The following GNAL variants were observed in gnomAD, a reference collection of about 807,000 sequenced individuals.
GNAL encodes the protein guanine nucleotide-binding protein G(olf) subunit alpha.
Under a neutral mutation model 55.1 loss-of-function variants are expected in GNAL, and 18 were observed. That is an observed-to-expected ratio of 0.33 (90% CI 0.23 to 0.48). GNAL has a LOEUF of 0.48. Ranked by LOEUF, GNAL falls within the 20% of genes least tolerant of loss-of-function variation. The pLI is 0.99. For synonymous variants in GNAL, 253 were observed against 237.0 expected, an observed-to-expected ratio of 1.07 and a Z score of -0.62; for missense variants, 412 against 614.1, an observed-to-expected ratio of 0.67 and a Z score of 3.48.
In GNAL at chr18:11,753,821, T is replaced by C. The variant is rs766177601; in HGVS notation, c.505-5T>C. ...ATCCATATTTTTTTTCTTATTCCAT[T>C]TTAGACAATTGTTTCAGCAATGAGT... On this transcript the variant is annotated splice_polypyrimidine_tract_variant and splice_region_variant and intron_variant, in intron 3 of 11. Transcript: ENST00000334049. 9 of 1,606,396 alleles carry C rather than the reference T, an allele frequency of 5.6e-6. No individual in the cohort carries two copies. Among genetic ancestry groups the C allele is most frequent in the East Asian group, 4.5e-5 (2 of 44,844 alleles).
At chr18:11,862,880 AT>A (rs35630944) in intron 6 of GNAL, among the ~76,000 whole-genome samples, 82,114 of 134,996 alleles carry the variant, frequency 0.61, 26,875 homozygotes, top group East Asian at 0.89. Flanking sequence ...GCACTCCACC[AT>A]TTTTTTTTTT....
chr18:11,876,496 G>T (rs1321336365), intron 10 of GNAL, 125 bp from the exon 11 acceptor site: 1 of 692,398 alleles, frequency 1.4e-6, no homozygotes, highest in Non-Finnish European at 2.6e-6. Context: ...TTTTTGCCTT[G>T]CTGTACATGT....
rs140692849 is a variant in GNAL, at chr18:11,869,146, ATT to A, written c.1031+492_1031+493del. 8.5e-4 allele frequency among the ~76,000 whole-genome samples: 128 copies of A among 149,812 alleles called. 1 individual carries two copies. Among genetic ancestry groups the A allele is most frequent in the African/African-American group, 3.1e-3 (125 of 40,842 alleles). On this transcript the variant is annotated intron_variant, in intron 9 of 11. Transcript: ENST00000334049. Reference sequence around the variant, plus strand: ...AAAATGTGGAATATTTTTTTTTATTATTTTTTTTTTATTTTGAGATAGAGTCT... The same window carrying A: ...AAAATGTGGAATATTTTTTTTTATTATTTTTTTTATTTTGAGATAGAGTCT...
At chr18:11,837,718 A>G (rs1247185872) in intron 5 of GNAL, among the ~76,000 whole-genome samples, 1 of 152,198 alleles carries the variant, frequency 6.6e-6, no homozygotes, top group East Asian at 1.9e-4. Flanking sequence ...GTTCTAAAAA[A>G]CGTTAAACAC....
intron 4 of GNAL, among the ~76,000 whole-genome samples, chr18:11,782,602 A>G (rs2033951033): frequency 1.3e-5 from 2 of 152,188 alleles, no homozygotes; most frequent in African/African-American, 2.4e-5. Flanking sequence ...GGAAGAGATC[A>G]TAGTAAAATA....
At chr18:11,695,636 C>G (rs776357844) in intron 1 of GNAL, among the ~76,000 whole-genome samples, 1 of 152,196 alleles carries the variant, frequency 6.6e-6, no homozygotes, top group Non-Finnish European at 1.5e-5. Context: ...ATGTTCCACT[C>G]AACTACTCTT....
At chr18:11,869,290 C>T (rs912513085) in intron 9 of GNAL, among the ~76,000 whole-genome samples, 3 of 151,956 alleles carry the variant, frequency 2.0e-5, no homozygotes, top group African/African-American at 7.2e-5. Context: ...ACTACAGGCG[C>T]CCTCCACCAC....
chr18:11,696,229 G>A (rs1245952931), intron 1 of GNAL, among the ~76,000 whole-genome samples: 1 of 152,026 alleles, frequency 6.6e-6, no homozygotes, highest in East Asian at 1.9e-4. Flanking sequence ...CTGGCCGAGC[G>A]CGGTGGCTCA....
At chr18:11,715,271 A>G (rs2031931312) in intron 1 of GNAL, among the ~76,000 whole-genome samples, 3 of 148,088 alleles carry the variant, frequency 2.0e-5, no homozygotes, top group Admixed American at 6.6e-5. Context: ...CATCCTGGCT[A>G]ACACGGTGAA....
intron 4 of GNAL, among the ~76,000 whole-genome samples, chr18:11,787,765 T>G (rs2034101501): frequency 1.3e-5 from 2 of 151,386 alleles, no homozygotes; most frequent in Non-Finnish European, 2.9e-5. Context: ...TCCCAGCTAC[T>G]CAGGAGGCTG....
At chr18:11,793,780 G>A (rs759900801) in intron 4 of GNAL, among the ~76,000 whole-genome samples, 17 of 151,286 alleles carry the variant, frequency 1.1e-4, no homozygotes, top group Non-Finnish European at 1.9e-4. Flanking sequence ...AAAATTAGCT[G>A]GGCGTGGTGG....
At chr18:11,831,960 AAGTG>A (rs1472168461) in intron 5 of GNAL, among the ~76,000 whole-genome samples, 1 of 152,222 alleles carries the variant, frequency 6.6e-6, no homozygotes, top group Non-Finnish European at 1.5e-5. Flanking sequence ...TTTTCTGTAA[AAGTG>A]AGTGTCCTTG....
intron 1 of GNAL, among the ~76,000 whole-genome samples, chr18:11,693,640 C>G (rs891180481): frequency 6.6e-6 from 1 of 152,090 alleles, no homozygotes; most frequent in Non-Finnish European, 1.5e-5. Flanking sequence ...TTCTTGCTCA[C>G]TGACCACATT....
intron 4 of GNAL, among the ~76,000 whole-genome samples, chr18:11,806,031 A>G (rs1480291414): frequency 6.6e-6 from 1 of 152,160 alleles, no homozygotes. Context: ...CTTTTTAGTA[A>G]TAGCCATTCT....
intron 1 of GNAL, among the ~76,000 whole-genome samples, chr18:11,719,798 T>A (rs967557639): frequency 2.6e-5 from 4 of 152,178 alleles, no homozygotes; most frequent in African/African-American, 4.8e-5. Flanking sequence ...AGAGCTGCGC[T>A]CACACCATGC....
chr18:11,811,207 C>T (rs879387513), intron 4 of GNAL, among the ~76,000 whole-genome samples: 2 of 152,182 alleles, frequency 1.3e-5, no homozygotes, highest in Non-Finnish European at 2.9e-5. Context: ...GTCCCACGGC[C>T]CCAGCGCAGC....
In GNAL at chr18:11,729,301, C is replaced by T. The variant is rs2032282657; in HGVS notation, c.377-23552C>T. On this transcript the variant is annotated intron_variant, in intron 1 of 11. Transcript: ENST00000334049. ...GGTCTTAGCGCTCCTCTTGCCCCACCTGTGTGGGTTTTCACTCTTTTGCCC... is the reference window on the plus strand; with the variant it reads ...GGTCTTAGCGCTCCTCTTGCCCCACTTGTGTGGGTTTTCACTCTTTTGCCC... 4.6e-5 allele frequency among the ~76,000 whole-genome samples: 7 copies of T among 152,252 alleles called. No homozygotes were observed. In the South Asian group the frequency reaches 1.5e-3, roughly 32 times the overall value.
At chr18:11,727,743 T>C (rs1266307677) in intron 1 of GNAL, among the ~76,000 whole-genome samples, 1 of 152,160 alleles carries the variant, frequency 6.6e-6, no homozygotes, top group Non-Finnish European at 1.5e-5. Flanking sequence ...ATCAGGGTTT[T>C]AAAGGCAAAA....
intron 1 of GNAL, among the ~76,000 whole-genome samples, chr18:11,708,300 T>C (rs2031760534): frequency 6.6e-6 from 1 of 152,168 alleles, no homozygotes; most frequent in Admixed American, 6.5e-5. Context: ...CTAATTTCAA[T>C]ACTGTTATGT....
Sources: gnomAD v4.1 joint callset for allele counts (sites outside exome capture counted in the v4.1 genomes callset) on GRCh38, gnomAD v4.1.1 for gene constraint, MANE v1.5 for transcripts, NCBI Gene and HGNC (gene_info 2026-07-23, HGNC 2026-07-21) for gene names.